CACNG7: variants seen among roughly 807,000 people sequenced by gnomAD.
CACNG7 encodes voltage-dependent calcium channel gamma-7 subunit.
In CACNG7, 9 loss-of-function variants were observed where a neutral mutation model predicts 26.3. The observed-to-expected ratio is 0.34, with a 90% CI of 0.21 to 0.60. CACNG7 has a LOEUF of 0.60. CACNG7 is among the 20% of genes least tolerant of loss of function. CACNG7 has a pLI of 0.81. For synonymous variants in CACNG7, 170 were observed against 157.0 expected, an observed-to-expected ratio of 1.08 and a Z score of -0.62; for missense variants, 297 against 380.4, an observed-to-expected ratio of 0.78 and a Z score of 1.82.
rs769846106 is a variant in CACNG7, at chr19:53,912,959, C to T, written c.128C>T (p.Pro43Leu). The change falls in exon 2 of 6, where the codon CCG becomes CTG. Residue 43 changes from proline to leucine, a missense_variant. Transcript: ENST00000391767. The surrounding 1 kb of genome is among the most constrained non-coding windows in gnomAD (Gnocchi z 4.6). Reference sequence around the variant, plus strand: ...TACATGGAAGAAGGCACAGTGCTACCGCAGAACCAGACCACCGAGGTCAAG... The same window carrying T: ...TACATGGAAGAAGGCACAGTGCTACTGCAGAACCAGACCACCGAGGTCAAG... ...WLYMEEGTVLPQNQTTEVKMA... is the reference protein window; with the variant it reads ...WLYMEEGTVLLQNQTTEVKMA... 1.9e-6 allele frequency: 3 copies of T among 1,613,762 alleles called. No homozygotes were observed. The highest frequency in any genetic ancestry group is 2.5e-6 in the Non-Finnish European group (3 of 1,179,970).
At chr19:53,924,760 G>GT (rs2145909995) in intron 4 of CACNG7, among the ~76,000 whole-genome samples, 1 of 147,028 alleles carries the variant, frequency 6.8e-6, no homozygotes, top group Non-Finnish European at 1.5e-5. Flanking sequence ...TGGTGGACTT[G>GT]CCTAGGGCTG....
At chr19:53,923,765 C>T (rs1365561383) in intron 4 of CACNG7, among the ~76,000 whole-genome samples, 1 of 131,084 alleles carries the variant, frequency 7.6e-6, no homozygotes, top group Non-Finnish European at 1.6e-5. Flanking sequence ...GTGGAGTTGC[C>T]CCAGGTCTGG....
intron 4 of CACNG7, among the ~76,000 whole-genome samples, chr19:53,918,131 ATGT>A (rs1190884629): frequency 6.6e-6 from 1 of 152,270 alleles, no homozygotes; most frequent in African/African-American, 2.4e-5. Flanking sequence ...TGAAGGCCAC[ATGT>A]TGTAAACCTA....
rs1340966138 is a variant in CACNG7 at position 53,939,429 on chromosome 19, GAC to G, written c.425-2037_425-2036del. Among the ~76,000 whole-genome samples the G allele has an allele frequency of 2.0e-5, 3 of 152,118 alleles. No homozygotes were observed. Among genetic ancestry groups the G allele is most frequent in the African/African-American group, 7.2e-5 (3 of 41,492 alleles). On this transcript the variant is annotated intron_variant, in intron 4 of 5. Transcript: ENST00000391767. This position sits in a 1 kb window ranked among gnomAD's most constrained non-coding sequence, Gnocchi z 4.2. ...GAAACCTCACACACCTTAGCAGCCA[GAC>G]ACAATTTCCCCCTCCATCCTATTCC...
rs2145922345 is a variant in CACNG7 at position 53,942,686 on chromosome 19, G to C, written c.*393G>C. 1.6e-6 allele frequency: 1 copy of C among 642,106 alleles called. No homozygotes were observed. The highest frequency in any genetic ancestry group is 1.9e-5 in the African/African-American group (1 of 51,948). 39.8% of individuals were successfully genotyped at this position (642,106 alleles called of 1,614,324 possible). A position where few individuals can be genotyped will look rare whatever the true frequency, so the allele number is the denominator to read the frequency against. ...TCCCCAACCTCGGACCTCACCGCAG[G>C]GGCGCTGGGCTGGAGAGCAGGTTCG... is the stretch of plus-strand genomic sequence containing the variant. On this transcript the variant is annotated 3_prime_UTR_variant, in exon 6 of 6. Transcript: ENST00000391767. The surrounding 1 kb of genome is among the most constrained non-coding windows in gnomAD (Gnocchi z 5.9).
rs534474757 is a variant in CACNG7, at chr19:53,940,040, C to T, written c.425-1430C>T. The stretch of plus-strand genomic sequence containing the variant: ...ACAGTGGAAGGAATTTGGGCTTATT[C>T]TGTGTGTGGCACACAGAATGTAGGA... On this transcript the variant is annotated intron_variant, in intron 4 of 5. Transcript: ENST00000391767. This position sits in a 1 kb window ranked among gnomAD's most constrained non-coding sequence, Gnocchi z 4.1. Among the ~76,000 whole-genome samples the T allele has an allele frequency of 1.3e-5, 2 of 152,180 alleles. No individual in the cohort carries two copies. The highest frequency in any genetic ancestry group is 4.2e-4 in the South Asian group (2 of 4,804).
At chr19:53,924,659 GAGGTCTGGTATTGGTGGAGTTGCCCC>G (rs1568777755) in intron 4 of CACNG7, among the ~76,000 whole-genome samples, 11 of 136,960 alleles carry the variant, frequency 8.0e-5, no homozygotes, top group Admixed American at 5.2e-4. Flanking sequence ...GGAGTTGTCC[GAGGTCTGGTATTGGTGGAGTTGCCCC>G]AGGTCTGGTA....
rs2069142642 is a variant in CACNG7 at position 53,942,243 on chromosome 19, C to A, written c.778C>A (p.Pro260Thr). 8 of 1,613,854 alleles carry A rather than the reference C, an allele frequency of 5.0e-6. No individual in the cohort carries two copies. In the East Asian group the frequency reaches 1.8e-4, roughly 36 times the overall value. The part of the protein sequence containing the change: ...VSIQMTQNYP[P>T]AIKYPDHLHI... Reference sequence around the variant, plus strand: ...CATCCAAATGACGCAGAACTACCCTCCCGCCATCAAGTACCCGGACCACCT... The same window carrying A: ...CATCCAAATGACGCAGAACTACCCTACCGCCATCAAGTACCCGGACCACCT... The change falls in exon 6 of 6, where the codon CCC becomes ACC. Residue 260 changes from proline to threonine, a missense_variant. By Grantham distance (38) the Pro-to-Thr change is conservative. Transcript: ENST00000391767. The surrounding 1 kb of genome is among the most constrained non-coding windows in gnomAD (Gnocchi z 5.9).
chr19:53,921,384 G>C (rs1216973885), intron 4 of CACNG7, among the ~76,000 whole-genome samples: 2 of 146,284 alleles, frequency 1.4e-5, no homozygotes, highest in African/African-American at 2.6e-5. Context: ...CTGGTCATTG[G>C]TGGAGTTGCC....
At chr19:53,923,522 C>T (rs75606280) in intron 4 of CACNG7, among the ~76,000 whole-genome samples, 706 of 70,136 alleles carry the variant, frequency 0.01, 2 homozygotes, top group African/African-American at 0.031. Context: ...GGTGGAGTTG[C>T]CCCAGGTCTG....
At chr19:53,923,437 G>C (rs1484952292) in intron 4 of CACNG7, among the ~76,000 whole-genome samples, 1 of 134,456 alleles carries the variant, frequency 7.4e-6, no homozygotes, top group African/African-American at 2.7e-5. Flanking sequence ...TATTGGTGGA[G>C]TTGTCCCCAG....
At chr19:53,933,232 G>T (rs1001958042) in intron 4 of CACNG7, among the ~76,000 whole-genome samples, 2 of 150,908 alleles carry the variant, frequency 1.3e-5, no homozygotes, top group Non-Finnish European at 2.9e-5. Context: ...CTGGGTTCAA[G>T]TGATTCTCCA....
At chr19:53,923,522 C>CCCCAGGTCTGGTCATTGGTGGAGTTGT (rs1568776428) in intron 4 of CACNG7, among the ~76,000 whole-genome samples, 102 of 70,226 alleles carry the variant, frequency 1.5e-3, no homozygotes, top group Non-Finnish European at 1.7e-3. Context: ...GGTGGAGTTG[C>CCCCAGGTCTGGTCATTGGTGGAGTTGT]CCCAGGTCTG....
intron 4 of CACNG7, among the ~76,000 whole-genome samples, chr19:53,925,993 C>T (rs59191377): frequency 2.0e-5 from 3 of 152,082 alleles, no homozygotes; most frequent in Non-Finnish European, 4.4e-5. Context: ...CCACATTAGC[C>T]CCTGATCATT....
In CACNG7 at chr19:53,912,047, TG is replaced by T. The variant is rs1406407811; in HGVS notation, c.-29-755del. ...AGTTCAGAGACAGGGTGCAAGAAAA[TG>T]TATCAGGGCATCAGATTAGGGCATG... On this transcript the variant is annotated intron_variant, in intron 1 of 5. Coordinates refer to ENST00000391767, the MANE Select transcript of CACNG7 (RefSeq NM_031896.5). The surrounding 1 kb of genome is among the most constrained non-coding windows in gnomAD (Gnocchi z 4.6). 6.6e-6 allele frequency among the ~76,000 whole-genome samples: 1 copy of T among 152,006 alleles called. No individual in the cohort carries two copies. Among genetic ancestry groups the T allele is most frequent in the African/African-American group, 2.4e-5 (1 of 41,362 alleles).
chr19:53,940,888 C>T lies in CACNG7; in HGVS notation c.425-582C>T, dbSNP rs2069133117. Among the ~76,000 whole-genome samples the T allele has an allele frequency of 6.6e-6, 1 of 151,416 alleles. No homozygotes were observed. The highest frequency in any genetic ancestry group is 2.4e-5 in the African/African-American group (1 of 41,084). On this transcript the variant is annotated intron_variant, in intron 4 of 5. Transcript: ENST00000391767. The surrounding 1 kb of genome is among the most constrained non-coding windows in gnomAD (Gnocchi z 4.1). ...TGGCCAACATGGTGAAACCCCGTCT[C>T]TACTAAAAATATAAAAAAAAAAATT...
intron 4 of CACNG7, 26 bp from the exon 5 acceptor site, chr19:53,941,444 C>G (rs377238810): frequency 1.0e-5 from 15 of 1,501,548 alleles, no homozygotes; most frequent in African/African-American, 1.5e-5. Context: ...TTCTAATGGA[C>G]GAGGGCACCC....
rs1600005437 is a variant in CACNG7, at chr19:53,941,770, A to G, written c.570+155A>G. On this transcript the variant is annotated intron_variant, in intron 5 of 5. Coordinates refer to ENST00000391767, the MANE Select transcript of CACNG7 (RefSeq NM_031896.5). Reference sequence around the variant, plus strand: ...GGTCTAACCCCTGGGTCCTGGAGGAAGAGGGGTCTGAGAGCTCCAACTTTT... The same window carrying G: ...GGTCTAACCCCTGGGTCCTGGAGGAGGAGGGGTCTGAGAGCTCCAACTTTT... The G allele has an allele frequency of 7.0e-6, 7 of 1,005,010 alleles. No individual in the cohort carries two copies. The East Asian group carries it at 1.8e-4, about 26-fold the overall frequency. The allele number at this position is 1,005,010 out of a possible 1,614,324, so 62.3% of individuals were successfully genotyped here. A position where few individuals can be genotyped will look rare whatever the true frequency, so the allele number is the denominator to read the frequency against.
chr19:53,920,071 A>C (rs1239449646), intron 4 of CACNG7, among the ~76,000 whole-genome samples: 10 of 112,958 alleles, frequency 8.9e-5, no homozygotes, highest in African/African-American at 3.3e-4. Context: ...CAGGCTGGTC[A>C]TTGGTGGAGT....
Sources: gnomAD v4.1 joint callset for allele counts (sites outside exome capture counted in the v4.1 genomes callset) on GRCh38, gnomAD v4.1.1 for gene constraint, Gnocchi (gnomAD v3.1) non-coding constraint, MANE v1.5 for transcripts, NCBI Gene and HGNC (gene_info 2026-07-23, HGNC 2026-07-21) for gene names.